NR2F1-AS1: variants seen among roughly 807,000 people sequenced by gnomAD.
NR2F1-AS1 encodes NR2F1 regulatory antisense RNA 1, also known as NR2F1 antisense RNA 1.
At chr5:93,450,650 T>C (rs79155825) in intron 4 of NR2F1-AS1, among the ~76,000 whole-genome samples, 4,545 of 152,222 alleles carry the variant, frequency 0.03, 215 homozygotes, top group African/African-American at 0.1. Context: ...GAGGTATTCA[T>C]GGGCAGAAAG....
chr5:93,492,121 T>C (rs529626680), intron 4 of NR2F1-AS1, among the ~76,000 whole-genome samples: 1 of 152,200 alleles, frequency 6.6e-6, no homozygotes, highest in Non-Finnish European at 1.5e-5. Context: ...GAGATATTAG[T>C]ATTGACCTTT....
chr5:93,436,035 C>T (rs186105342), intron 4 of NR2F1-AS1, among the ~76,000 whole-genome samples: 7 of 152,232 alleles, frequency 4.6e-5, no homozygotes, highest in Admixed American at 2.0e-4. Flanking sequence ...TAGAATTAAT[C>T]TAATGTTTAA....
intron 4 of NR2F1-AS1, among the ~76,000 whole-genome samples, chr5:93,540,091 T>A (rs1351297620): frequency 1.3e-5 from 2 of 152,186 alleles, no homozygotes; most frequent in Admixed American, 6.5e-5. Context: ...TCAATAAATT[T>A]CTATGTGATC....
intron 2 of NR2F1-AS1, among the ~76,000 whole-genome samples, chr5:93,557,557 A>G (rs930980880): frequency 6.6e-6 from 1 of 152,024 alleles, no homozygotes; most frequent in African/African-American, 2.4e-5. Context: ...ACACACCTTA[A>G]TTTTAAAATA....
chr5:93,555,968 C>T (rs1228343549), intron 2 of NR2F1-AS1, among the ~76,000 whole-genome samples: 1 of 152,084 alleles, frequency 6.6e-6, no homozygotes, highest in Non-Finnish European at 1.5e-5. Context: ...AACAATTTCT[C>T]GAAGCTGTGA....
chr5:93,536,636 C>A (rs968455910), intron 4 of NR2F1-AS1, among the ~76,000 whole-genome samples: 3 of 152,068 alleles, frequency 2.0e-5, no homozygotes, highest in African/African-American at 7.2e-5. Context: ...AATTTATGTA[C>A]CTACAGCCAA....
At chr5:93,417,441 G>A (rs1748990784) in intron 4 of NR2F1-AS1, among the ~76,000 whole-genome samples, 1 of 152,114 alleles carries the variant, frequency 6.6e-6, no homozygotes. Context: ...TTGTACTCCA[G>A]CAAAAAAGTC....
chr5:93,478,052 A>C (rs1750521004), intron 4 of NR2F1-AS1, among the ~76,000 whole-genome samples: 1 of 152,176 alleles, frequency 6.6e-6, no homozygotes, highest in South Asian at 2.1e-4. Context: ...AATGGGAAAG[A>C]AGCCAATGCA....
intron 4 of NR2F1-AS1, among the ~76,000 whole-genome samples, chr5:93,445,409 C>T (rs1243009096): frequency 6.6e-6 from 1 of 152,118 alleles, no homozygotes; most frequent in African/African-American, 2.4e-5. Flanking sequence ...TCAGAGAATA[C>T]TACAAACACC....
intron 4 of NR2F1-AS1, among the ~76,000 whole-genome samples, chr5:93,488,732 G>C (rs2149878885): frequency 6.6e-6 from 1 of 152,258 alleles, no homozygotes; most frequent in South Asian, 2.1e-4. Flanking sequence ...ATTTGACCCA[G>C]CAATCCCATT....
chr5:93,457,432 C>A (rs116833061), intron 4 of NR2F1-AS1, among the ~76,000 whole-genome samples: 9 of 152,266 alleles, frequency 5.9e-5, no homozygotes, highest in African/African-American at 2.2e-4. Flanking sequence ...GTGTTTCTGC[C>A]AGCACAGGGT....
rs1037127981 is a variant in NR2F1-AS1, at chr5:93,579,668, C to A, written n.313+799G>T. On this transcript the variant is annotated intron_variant and non_coding_transcript_variant, in intron 1 of 5. Coordinates refer to ENST00000660523, the Ensembl canonical transcript of NR2F1-AS1. This position sits in a 1 kb window ranked among gnomAD's most constrained non-coding sequence, Gnocchi z 5.1. ...CGCCCTCTGACGCAAACGCACGCCC[C>A]TGCCCCGCACGGAGGAAAGCGCTCT... Among the ~76,000 whole-genome samples the A allele has an allele frequency of 2.6e-5, 4 of 151,994 alleles. No homozygotes were observed. The highest frequency in any genetic ancestry group is 1.3e-4 in the Admixed American group (2 of 15,278).
At chr5:93,585,537 C>CTT, upstream of NR2F1-AS1, 3 of 1,461,814 alleles carry the variant, frequency 2.1e-6, no homozygotes, top group Non-Finnish European at 2.8e-6. Flanking sequence ...GCCTCCCTGG[C>CTT]TCTTTCTTTC....
chr5:93,433,421 T>G (rs1749367650), intron 4 of NR2F1-AS1, among the ~76,000 whole-genome samples: 1 of 152,186 alleles, frequency 6.6e-6, no homozygotes, highest in South Asian at 2.1e-4. Flanking sequence ...TGTTGTTAAC[T>G]CTAAGAAACA....
chr5:93,425,134 A>G (rs1171380326), intron 4 of NR2F1-AS1, among the ~76,000 whole-genome samples: 1 of 152,212 alleles, frequency 6.6e-6, no homozygotes, highest in African/African-American at 2.4e-5. Flanking sequence ...CTGGGCAGTT[A>G]GTTCCGTCCG....
At chr5:93,417,980 C>T (rs1469619052) in intron 4 of NR2F1-AS1, among the ~76,000 whole-genome samples, 1 of 152,162 alleles carries the variant, frequency 6.6e-6, no homozygotes, top group Non-Finnish European at 1.5e-5. Flanking sequence ...TGTCAAGTTG[C>T]ATCATGCTTT....
chr5:93,463,758 C>T (rs1383702161), intron 4 of NR2F1-AS1, among the ~76,000 whole-genome samples: 1 of 152,184 alleles, frequency 6.6e-6, no homozygotes. Flanking sequence ...GACTTGACTG[C>T]CCTGCTGGAT....
chr5:93,514,473 T>C (rs1485935093), intron 4 of NR2F1-AS1, among the ~76,000 whole-genome samples: 2 of 152,034 alleles, frequency 1.3e-5, no homozygotes, highest in Non-Finnish European at 2.9e-5. Flanking sequence ...GCTCTATGAG[T>C]GATAAAGTAA....
chr5:93,503,943 T>C (rs1392150419), intron 4 of NR2F1-AS1, among the ~76,000 whole-genome samples: 2 of 152,164 alleles, frequency 1.3e-5, no homozygotes, highest in East Asian at 1.9e-4. Context: ...TGAGTCCTCC[T>C]AGTGAGTCAC....
Sources: allele counts gnomAD v4.1 joint callset (sites outside exome capture counted in the v4.1 genomes callset), GRCh38; gene constraint gnomAD v4.1.1; non-coding constraint Gnocchi (gnomAD v3.1); transcripts MANE v1.5; gene names NCBI Gene and HGNC (gene_info 2026-07-23, HGNC 2026-07-21).